ANK1: variants seen among roughly 807,000 people sequenced by gnomAD.
ANK1 encodes the protein ankyrin-1.
ANK1 carries 51 observed loss-of-function variants against 210.4 expected under a neutral mutation model. The observed-to-expected ratio is 0.24, with a 90% CI of 0.19 to 0.31. The LOEUF is 0.31. Among genes scored for constraint, ANK1 ranks in the 10% least tolerant of loss-of-function variants. The pLI is 1.00. For synonymous variants in ANK1, 967 were observed against 1,025.9 expected (o/e 0.94, Z 1.10); for missense variants, 2,051 against 2,504.4 (o/e 0.82, Z 3.86).
chr8:41,790,251 A>C (rs1374384685), intron 1 of ANK1, among the ~76,000 whole-genome samples: 1 of 150,404 alleles, frequency 6.6e-6, no homozygotes, highest in Non-Finnish European at 1.5e-5. Context: ...GGTTCAAGCG[A>C]TTCTCCCGCC....
chr8:41,759,455 G>A (rs573173570), intron 1 of ANK1, among the ~76,000 whole-genome samples: 4 of 152,192 alleles, frequency 2.6e-5, no homozygotes, highest in South Asian at 4.2e-4. Context: ...GCAGTGAGCC[G>A]AGATCGCACC....
In ANK1 at chr8:41,797,563, C is replaced by T. The variant is rs1400066639; in HGVS notation, c.-25G>A. 2 of 1,613,086 alleles carry T rather than the reference C, an allele frequency of 1.2e-6. No homozygotes were observed. The highest frequency in any genetic ancestry group is 1.1e-5 in the South Asian group (1 of 90,904). On this transcript the variant is annotated 5_prime_UTR_variant, in exon 1 of 43. Coordinates refer to ENST00000289734, the MANE Select transcript of ANK1 (RefSeq NM_000037.4). This position sits in a 1 kb window ranked among gnomAD's most constrained non-coding sequence, Gnocchi z 4.0. ...TGCCGGTCTTTCAGCAGGGGCCCGC[C>T]GAAGGGCCTTGGGGGCTTGAGGAGG...
chr8:41,708,865 C>A lies in ANK1; in HGVS notation c.1911G>T (p.Thr637=). The change falls in exon 17 of 43, where the codon ACG becomes ACT. Residue 637 remains threonine, a synonymous_variant. Coordinates refer to ENST00000289734, the MANE Select transcript of ANK1 (RefSeq NM_000037.4). ...SANAESVQGV[T]PLHLAAQEGH... is the part of the protein sequence containing the mutation. ...CCTCCTGGGCGGCCAGGTGAAGGGG[C>A]GTCACACCTTGCACCGACTCGGCGT... is the stretch of plus-strand genomic sequence containing the variant. 6.2e-7 allele frequency: 1 copy of A among 1,614,092 alleles called. No individual in the cohort carries two copies. Among genetic ancestry groups the A allele is most frequent in the South Asian group, 1.1e-5 (1 of 91,084 alleles).
chr8:41,847,255 A>G (rs769277364), intron 1 of ANK1, among the ~76,000 whole-genome samples: 11 of 152,246 alleles, frequency 7.2e-5, no homozygotes, highest in Non-Finnish European at 1.5e-4. Context: ...GCTGTTGTCC[A>G]AGTGGACACT....
At chr8:41,690,087 C>G in intron 33 of ANK1, 140 bp downstream of exon 33, 1 of 1,381,220 alleles carries the variant, frequency 7.2e-7, no homozygotes, top group Admixed American at 1.8e-5. Flanking sequence ...GAGGAGAGCT[C>G]AGCACCTTTG....
intron 37 of ANK1, among the ~76,000 whole-genome samples, chr8:41,677,885 T>C (rs554340): frequency 0.77 from 116,427 of 152,122 alleles, 44,814 homozygotes; most frequent in Admixed American, 0.81. Context: ...CCACTGCACC[T>C]GGCCTTGGCT....
At chr8:41,678,534 T>C (rs1814937711) in intron 37 of ANK1, among the ~76,000 whole-genome samples, 1 of 152,226 alleles carries the variant, frequency 6.6e-6, no homozygotes, top group Non-Finnish European at 1.5e-5. Flanking sequence ...ATAGCTCACT[T>C]TGTGTTTCTC....
chr8:41,739,522 T>TTTTTTTTTTTTCTTTC (rs1834206319), intron 2 of ANK1, among the ~76,000 whole-genome samples: 4 of 35,432 alleles, frequency 1.1e-4, no homozygotes, highest in Non-Finnish European at 1.3e-4. Flanking sequence ...TTTTTCTTTC[T>TTTTTTTTTTTTCTTTC]TTTTTTTTTT....
intron 1 of ANK1, among the ~76,000 whole-genome samples, chr8:41,783,633 T>C (rs13282526): frequency 0.23 from 34,321 of 152,054 alleles, 4,964 homozygotes; most frequent in Non-Finnish European, 0.31. Flanking sequence ...TGACACTGCA[T>C]TTCCCAAAAT....
chr8:41,758,579 C>T (rs561401285), intron 1 of ANK1, among the ~76,000 whole-genome samples: 9 of 152,098 alleles, frequency 5.9e-5, no homozygotes, highest in African/African-American at 1.4e-4. Flanking sequence ...TGAGCTCAAG[C>T]GATCCTTCCA....
chr8:41,822,125 AAAGAAAGAG>A (rs1804491058), intron 1 of ANK1, among the ~76,000 whole-genome samples: 1 of 59,774 alleles, frequency 1.7e-5, no homozygotes, highest in African/African-American at 5.6e-5. Context: ...AAAGAAAGAG[AAAGAAAGAG>A]AAAGAAAGAA....
At chr8:41,808,669 A>T (rs973631652) in intron 1 of ANK1, among the ~76,000 whole-genome samples, 3 of 152,152 alleles carry the variant, frequency 2.0e-5, no homozygotes, top group Admixed American at 6.5e-5. Context: ...CTGTCTAAAA[A>T]AATAATAATA....
chr8:41,678,978 G>C (rs938028156), intron 37 of ANK1, among the ~76,000 whole-genome samples: 14 of 152,022 alleles, frequency 9.2e-5, no homozygotes, highest in Non-Finnish European at 1.2e-4. Flanking sequence ...TAGAGACAGG[G>C]TTTCACCATG....
intron 24 of ANK1, 66 bp from the exon 25 acceptor site, chr8:41,696,839 C>T: frequency 5.5e-6 from 8 of 1,465,064 alleles, no homozygotes; most frequent in Middle Eastern, 2.2e-4. Flanking sequence ...CGTGCCAGGG[C>T]GTGGAGGCTT....
At chr8:41,670,015 G>A in intron 38 of ANK1, among the ~76,000 whole-genome samples, 1 of 151,946 alleles carries the variant, frequency 6.6e-6, no homozygotes, top group East Asian at 1.9e-4. Context: ...ACTCATGCAG[G>A]CCTCCCCTGG....
At chr8:41,657,621 G>A (rs1475056889) in intron 42 of ANK1, among the ~76,000 whole-genome samples, 1 of 152,190 alleles carries the variant, frequency 6.6e-6, no homozygotes, top group East Asian at 1.9e-4. Context: ...ATGCAGCCTG[G>A]GAAAGACAGG....
At chr8:41,660,456 C>T in intron 42 of ANK1, 1 of 460,846 alleles carries the variant, frequency 2.2e-6, no homozygotes, top group African/African-American at 2.0e-5. Flanking sequence ...CTGTACTGAG[C>T]TGCCCCGAGC....
intron 39 of ANK1, among the ~76,000 whole-genome samples, chr8:41,664,593 T>C (rs1473337673): frequency 6.6e-6 from 1 of 151,688 alleles, no homozygotes; most frequent in African/African-American, 2.4e-5. Context: ...TTAATGTCAC[T>C]GTCACAATGC....
At chr8:41,771,016 A>G (rs920074285) in intron 1 of ANK1, among the ~76,000 whole-genome samples, 1 of 152,210 alleles carries the variant, frequency 6.6e-6, no homozygotes, top group Non-Finnish European at 1.5e-5. Flanking sequence ...CTACTCCTCT[A>G]TGTGACTGGC....
Sources: gnomAD v4.1 joint callset for allele counts (sites outside exome capture counted in the v4.1 genomes callset) on GRCh38, gnomAD v4.1.1 for gene constraint, Gnocchi (gnomAD v3.1) non-coding constraint, MANE v1.5 for transcripts, NCBI Gene and HGNC (gene_info 2026-07-23, HGNC 2026-07-21) for gene names.